ASTL: variants seen among roughly 807,000 people sequenced by gnomAD.
The protein encoded by ASTL is astacin-like metalloendopeptidase.
In ASTL, 27 loss-of-function variants were observed where a neutral mutation model predicts 36.7. The ratio of observed to expected loss-of-function variants is 0.73; its 90% CI spans 0.54 to 1.01. ASTL has a LOEUF of 1.01. Among genes scored for constraint, ASTL ranks in the 50% least tolerant of loss-of-function variants. ASTL has a pLI of 0.00. For synonymous variants in ASTL, 222 were observed against 228.1 expected, an observed-to-expected ratio of 0.97 and a Z score of 0.24; for missense variants, 524 against 572.8, an observed-to-expected ratio of 0.91 and a Z score of 0.87.
rs1009427119 is a variant in ASTL at position 96,135,348 on chromosome 2, C to T, written c.243+3G>A. Reference sequence around the variant, plus strand: ...ACCCACACACGTCAGTGTGTGCACTCACCGGCCGGATGATGTCCCCCTCGA... The same window carrying T: ...ACCCACACACGTCAGTGTGTGCACTTACCGGCCGGATGATGTCCCCCTCGA... On this transcript the variant is annotated splice_donor_region_variant and intron_variant, in intron 3 of 8. Coordinates refer to ENST00000342380, the MANE Select transcript of ASTL (RefSeq NM_001002036.4). The T allele has an allele frequency of 6.2e-7, 1 of 1,614,000 alleles. No individual in the cohort carries two copies. Among genetic ancestry groups the T allele is most frequent in the Admixed American group, 1.7e-5 (1 of 60,030 alleles).
chr2:96,134,085 C>G, intron 3 of ASTL, 27 bp from the exon 4 acceptor site: 1 of 1,557,896 alleles, frequency 6.4e-7, no homozygotes, highest in Non-Finnish European at 8.9e-7. Flanking sequence ...AGTTCAACCC[C>G]TGGGGACAGA....
At chr2:96,133,876 T>C in intron 4 of ASTL, 89 bp downstream of exon 4, 1 of 871,278 alleles carries the variant, frequency 1.1e-6, no homozygotes, top group South Asian at 1.4e-5. Context: ...AGGGATGTGA[T>C]GGTGTAAGAG....
At chr2:96,136,687 A>G (rs770116388) in intron 2 of ASTL, among the ~76,000 whole-genome samples, 4 of 152,176 alleles carry the variant, frequency 2.6e-5, no homozygotes, top group Non-Finnish European at 4.4e-5. Context: ...CCCTTAGGGC[A>G]AGGTTGTCCC....
chr2:96,137,372 A>G (rs1284556473), intron 2 of ASTL, among the ~76,000 whole-genome samples: 2 of 152,218 alleles, frequency 1.3e-5, no homozygotes, highest in Non-Finnish European at 2.9e-5. Context: ...CGGGAGGCAG[A>G]GGCAGGAAGA....
Position 96,129,986 on chromosome 2 carries a change from C to A in ASTL, c.720-8G>T, listed in dbSNP as rs553801654. On this transcript the variant is annotated splice_region_variant and splice_polypyrimidine_tract_variant and intron_variant, in intron 7 of 8. Transcript: ENST00000342380. Reference sequence around the variant, plus strand: ...CGCCGGCTGAAGGCGAGCCTGGAACCCAGCGGGAGACCCCTGAGTCCAGAT... The same window carrying A: ...CGCCGGCTGAAGGCGAGCCTGGAACACAGCGGGAGACCCCTGAGTCCAGAT... 3.2e-5 allele frequency: 51 copies of A among 1,605,488 alleles called. No individual in the cohort carries two copies. In the East Asian group the frequency reaches 9.9e-4, roughly 31 times the overall value.
rs779125035 is a variant in ASTL at position 96,138,407 on chromosome 2, C to T, written c.30G>A (p.Trp10Ter). Reference protein sequence around the residue: MEGVGGLWPWVLGLLSLPGV... With the variant: MEGVGGLWP ...CTGGCAAGGAGAGCAGACCCAGCACCCAAGGCCAGAGACCCCCTACACCCT... is the reference window on the plus strand; with the variant it reads ...CTGGCAAGGAGAGCAGACCCAGCACTCAAGGCCAGAGACCCCCTACACCCT... The change falls in exon 1 of 9, where the codon TGG becomes TGA. Residue 10 changes from tryptophan to a stop codon, truncating the protein, a stop_gained. Transcript: ENST00000342380. LOFTEE classifies it high-confidence loss of function. The T allele has an allele frequency of 1.2e-6, 2 of 1,610,892 alleles. No individual in the cohort carries two copies. The highest frequency in any genetic ancestry group is 1.7e-6 in the Non-Finnish European group (2 of 1,178,656).
intron 8 of ASTL, among the ~76,000 whole-genome samples, chr2:96,126,880 T>A (rs1249794834): frequency 6.6e-6 from 1 of 151,582 alleles, no homozygotes; most frequent in Non-Finnish European, 1.5e-5. Flanking sequence ...ATCTTAGCAG[T>A]TAAACATGGA....
At chr2:96,129,731 C>T in intron 8 of ASTL, 93 bp downstream of exon 8, 1 of 1,300,072 alleles carries the variant, frequency 7.7e-7, no homozygotes, top group Non-Finnish European at 1.0e-6. Context: ...GCTCCCCCTG[C>T]AACCTCATCT....
At chr2:96,133,894 G>T in intron 4 of ASTL, 71 bp downstream of exon 4, 1 of 1,026,682 alleles carries the variant, frequency 9.7e-7, no homozygotes, top group Non-Finnish European at 1.5e-6. Flanking sequence ...GAGGAAAAGG[G>T]AAGAGAGGAA....
chr2:96,128,404 T>A (rs751863938), intron 8 of ASTL, among the ~76,000 whole-genome samples: 1 of 152,238 alleles, frequency 6.6e-6, no homozygotes, highest in African/African-American at 2.4e-5. Flanking sequence ...GAGATCTTAC[T>A]ATATATTTTT....
chr2:96,133,374 G>A (rs374039337), intron 5 of ASTL, 51 bp downstream of exon 5: 16 of 1,248,518 alleles, frequency 1.3e-5, no homozygotes, highest in Admixed American at 8.4e-5. Flanking sequence ...AGTTAATTCC[G>A]GGCTGAACGC....
At position 96,123,904 on chromosome 2, in the gene ASTL, A is replaced by C. The variant is rs1303181494; in HGVS notation, c.1242T>G (p.Ala414=). The C allele has an allele frequency of 2.5e-6, 4 of 1,613,918 alleles. No individual in the cohort carries two copies. The highest frequency in any genetic ancestry group is 3.4e-6 in the Non-Finnish European group (4 of 1,179,968). ...IQPVPVQGSP[A]LPGGCVPRNH... ...TTCTAGGTACACAGCCCCCTGGCAG[A>C]GCTGGGCTTCCCTGGACAGGGACTG... The change falls in exon 9 of 9, where the codon GCT becomes GCG. Residue 414 remains alanine (A), a synonymous_variant. Coordinates refer to ENST00000342380, the MANE Select transcript of ASTL (RefSeq NM_001002036.4).
rs1453301966 is a variant in ASTL, at chr2:96,124,415, C to T, written c.875-144G>A. ...GTGCATCCAAGACCCAGATTCCCAC[C>T]CTACCAGAGACCAGGACAATGAAGC... On this transcript the variant is annotated intron_variant, in intron 8 of 8. Coordinates refer to ENST00000342380, the MANE Select transcript of ASTL (RefSeq NM_001002036.4). This position sits in a 1 kb window ranked among gnomAD's most constrained non-coding sequence, Gnocchi z 4.1. 4.8e-6 allele frequency: 3 copies of T among 630,028 alleles called. No individual in the cohort carries two copies. Among genetic ancestry groups the T allele is most frequent in the African/African-American group, 3.8e-5 (2 of 53,206 alleles). The allele number at this position is 630,028 out of a possible 1,614,324, so 39.0% of individuals were successfully genotyped here.
At chr2:96,136,129 G>A (rs1044106720) in intron 2 of ASTL, among the ~76,000 whole-genome samples, 1 of 152,250 alleles carries the variant, frequency 6.6e-6, no homozygotes, top group Non-Finnish European at 1.5e-5. Flanking sequence ...TGACTCACAG[G>A]GGGAGTGAGG....
chr2:96,137,899 G>A (rs1202714702), intron 1 of ASTL, 199 bp from the exon 2 acceptor site: 1 of 567,058 alleles, frequency 1.8e-6, no homozygotes, highest in African/African-American at 1.9e-5. Flanking sequence ...ATGACCTCAG[G>A]GAAGGAGCTC....
At chr2:96,129,759 C>G in intron 8 of ASTL, 65 bp downstream of exon 8, 1 of 1,453,276 alleles carries the variant, frequency 6.9e-7, no homozygotes, top group East Asian at 2.3e-5. Context: ...TGTCACCCTC[C>G]CTGACACCAT....
Position 96,124,105 on chromosome 2 carries a change from C to A in ASTL, c.1041G>T (p.Glu347Asp). Reference protein sequence around the residue: ...AGPGESPHGWESPALKKLSAE... With the variant: ...AGPGESPHGWDSPALKKLSAE... ...CACTGAGCTTTTTCAGGGCAGGGGA[C>A]TCCCACCCATGTGGGCTCTCCCCAG... The change falls in exon 9 of 9, where the codon GAG becomes GAT. Residue 347 changes from glutamate (E) to aspartate (D), a missense_variant. Glu to Asp is a conservative substitution (Grantham distance 45). Coordinates refer to ENST00000342380, the MANE Select transcript of ASTL (RefSeq NM_001002036.4). The surrounding 1 kb of genome is among the most constrained non-coding windows in gnomAD (Gnocchi z 4.1). 1 of 1,605,120 alleles carries A rather than the reference C, an allele frequency of 6.2e-7. No homozygotes were observed. The highest frequency in any genetic ancestry group is 1.3e-5 in the African/African-American group (1 of 74,856).
chr2:96,135,582 G>A (rs1043606942), intron 2 of ASTL, among the ~76,000 whole-genome samples, 170 bp from the exon 3 acceptor site: 3 of 152,252 alleles, frequency 2.0e-5, no homozygotes, highest in African/African-American at 4.8e-5. Context: ...TCGGCTCTCC[G>A]AGCCTGGGTG....
intron 6 of ASTL, 36 bp from the exon 7 acceptor site, chr2:96,130,181 T>C (rs369314456): frequency 3.2e-6 from 5 of 1,548,026 alleles, no homozygotes; most frequent in Non-Finnish European, 4.5e-6. Context: ...TACTGATATA[T>C]AAAGAGGGCA....
Sources: allele counts gnomAD v4.1 joint callset (sites outside exome capture counted in the v4.1 genomes callset), GRCh38; gene constraint gnomAD v4.1.1; non-coding constraint Gnocchi (gnomAD v3.1); transcripts MANE v1.5; gene names NCBI Gene and HGNC (gene_info 2026-07-23, HGNC 2026-07-21).